Variants in MAGI2 observed in about 807,000 individuals in gnomAD.
MAGI2 encodes membrane-associated guanylate kinase, WW and PDZ domain-containing protein 2.
Under a neutral mutation model 133.3 loss-of-function variants are expected in MAGI2, and 35 were observed. The ratio of observed to expected loss-of-function variants is 0.26; its 90% CI spans 0.20 to 0.35. The LOEUF (loss-of-function observed/expected upper bound fraction) is 0.35, where lower values mean the gene tolerates loss of function less well. Ranked by LOEUF, MAGI2 falls within the 10% of genes least tolerant of loss-of-function variation. The pLI is 1.00. For synonymous variants in MAGI2, 729 were observed against 710.6 expected, an observed-to-expected ratio of 1.03 and a Z score of -0.41; for missense variants, 1,636 against 1,863.4, an observed-to-expected ratio of 0.88 and a Z score of 2.25.
chr7:79,150,982 CGTTTTTGTTTGTTTGTTTTGTTTT>C (rs1823169479), intron 1 of MAGI2, among the ~76,000 whole-genome samples: 1 of 151,870 alleles, frequency 6.6e-6, no homozygotes, highest in African/African-American at 2.4e-5. Flanking sequence ...GGGCTCACAG[CGTTTTTGTTTGTTTGTTTTGTTTT>C]GTTTTTGTTT....
intron 6 of MAGI2, among the ~76,000 whole-genome samples, chr7:78,393,702 A>C (rs569479967): frequency 1.3e-5 from 2 of 152,340 alleles, no homozygotes; most frequent in South Asian, 2.1e-4. Context: ...GACATTGACA[A>C]GGAAGAACTG....
At position 78,578,358 on chromosome 7, in the gene MAGI2, C is replaced by T. The variant is rs118038012; in HGVS notation, c.538+48762G>A. ...CAATGTACATAGTACATGTATATTACATAGAGCAAATGGAAACCAATGTAA... is the reference window on the plus strand; with the variant it reads ...CAATGTACATAGTACATGTATATTATATAGAGCAAATGGAAACCAATGTAA... On this transcript the variant is annotated intron_variant, in intron 3 of 21. Coordinates refer to ENST00000354212, the MANE Select transcript of MAGI2 (RefSeq NM_012301.4). 1.8e-3 allele frequency among the ~76,000 whole-genome samples: 279 copies of T among 151,962 alleles called. 6 individuals are homozygous for T. In the East Asian group the frequency reaches 0.044, roughly 24 times the overall value.
intron 16 of MAGI2, among the ~76,000 whole-genome samples, chr7:78,158,944 C>T (rs1364681515): frequency 6.6e-6 from 1 of 152,026 alleles, no homozygotes; most frequent in Non-Finnish European, 1.5e-5. Flanking sequence ...CCACCCAGAC[C>T]AGTAATCTGC....
At chr7:78,118,654 C>T (rs753940391) in intron 20 of MAGI2, among the ~76,000 whole-genome samples, 1 of 152,160 alleles carries the variant, frequency 6.6e-6, no homozygotes, top group Non-Finnish European at 1.5e-5. Context: ...CAATGAGATA[C>T]CACTGCATGC....
intron 1 of MAGI2, among the ~76,000 whole-genome samples, chr7:79,187,424 T>C (rs550447700): frequency 1.3e-5 from 2 of 151,872 alleles, no homozygotes; most frequent in African/African-American, 2.4e-5. Context: ...CCAATTTTAG[T>C]ATAATTCTTA....
intron 6 of MAGI2, among the ~76,000 whole-genome samples, chr7:78,481,866 A>C (rs1792420098): frequency 6.6e-6 from 1 of 151,922 alleles, no homozygotes; most frequent in African/African-American, 2.4e-5. Flanking sequence ...GAGTTCTTAG[A>C]CTTGATACCA....
chr7:78,397,157 G>C (rs1480890321), intron 6 of MAGI2, among the ~76,000 whole-genome samples: 1 of 151,880 alleles, frequency 6.6e-6, no homozygotes, highest in African/African-American at 2.4e-5. Context: ...GTGGTAAAAA[G>C]TAAGGCCTTA....
intron 2 of MAGI2, among the ~76,000 whole-genome samples, chr7:78,639,905 A>G (rs1810097413): frequency 1.3e-5 from 2 of 152,204 alleles, no homozygotes; most frequent in African/African-American, 4.8e-5. Flanking sequence ...ATAAAAAAGA[A>G]AACATAAGTA....
At chr7:78,708,538 AGTATTTTACACAT>A (rs1363697671) in intron 2 of MAGI2, among the ~76,000 whole-genome samples, 4 of 152,284 alleles carry the variant, frequency 2.6e-5, no homozygotes, top group Admixed American at 2.6e-4. Flanking sequence ...CATTCTTCTA[AGTATTTTACACAT>A]GTTAATTCAT....
intron 1 of MAGI2, among the ~76,000 whole-genome samples, chr7:79,297,308 C>A (rs1014910705): frequency 6.6e-6 from 1 of 152,080 alleles, no homozygotes; most frequent in Admixed American, 6.6e-5. Flanking sequence ...GGAAGATGAG[C>A]AAGATAGATG....
At chr7:79,339,464 G>GTTTTTTTTTTTTTTT (rs71095397) in intron 1 of MAGI2, among the ~76,000 whole-genome samples, 2 of 134,538 alleles carry the variant, frequency 1.5e-5, no homozygotes, top group Non-Finnish European at 3.3e-5. Flanking sequence ...TTTTGTTTTT[G>GTTTTTTTTTTTTTTT]TTTTTTTTTT....
At chr7:78,296,126 A>T (rs1797210913) in intron 9 of MAGI2, among the ~76,000 whole-genome samples, 1 of 152,124 alleles carries the variant, frequency 6.6e-6, no homozygotes, top group Admixed American at 6.6e-5. Context: ...GTCCATTGTC[A>T]ATCAGAGTAT....
intron 2 of MAGI2, among the ~76,000 whole-genome samples, chr7:78,964,598 C>T (rs1458732298): frequency 1.3e-5 from 2 of 151,990 alleles, no homozygotes; most frequent in Non-Finnish European, 2.9e-5. Context: ...ATATACTTCC[C>T]ACCTGCTTCC....
intron 2 of MAGI2, among the ~76,000 whole-genome samples, chr7:78,864,538 G>T (rs552156113): frequency 6.6e-6 from 1 of 152,312 alleles, no homozygotes; most frequent in East Asian, 1.9e-4. Flanking sequence ...GATATGCAAA[G>T]AATTGCTCTG....
chr7:78,998,429 A>G (rs1806528791), intron 2 of MAGI2, among the ~76,000 whole-genome samples: 1 of 152,122 alleles, frequency 6.6e-6, no homozygotes, highest in Admixed American at 6.6e-5. Flanking sequence ...CCCTCCCCTG[A>G]GTCCTAAAGT....
intron 1 of MAGI2, among the ~76,000 whole-genome samples, chr7:79,359,058 G>C (rs2129119982): frequency 6.6e-6 from 1 of 152,238 alleles, no homozygotes; most frequent in Middle Eastern, 3.4e-3. Context: ...ATTATCTAAT[G>C]AGGATTTTAA....
intron 1 of MAGI2, among the ~76,000 whole-genome samples, chr7:79,334,949 G>A (rs945982111): frequency 6.6e-6 from 1 of 152,080 alleles, no homozygotes; most frequent in African/African-American, 2.4e-5. Context: ...AATGTGGTCC[G>A]AAAGGAGTGG....
intron 21 of MAGI2, among the ~76,000 whole-genome samples, chr7:78,025,287 C>G (rs1047969450): frequency 6.7e-6 from 1 of 149,920 alleles, no homozygotes; most frequent in Non-Finnish European, 1.5e-5. Flanking sequence ...TTAATATCAT[C>G]CCAGAGAACT....
At chr7:79,370,583 G>C (rs973355831) in intron 1 of MAGI2, among the ~76,000 whole-genome samples, 1 of 151,510 alleles carries the variant, frequency 6.6e-6, no homozygotes, top group Non-Finnish European at 1.5e-5. Flanking sequence ...TGGAAACAAT[G>C]GGCCAGCCAG....
Sources: gnomAD v4.1 joint callset for allele counts (sites outside exome capture counted in the v4.1 genomes callset) on GRCh38, gnomAD v4.1.1 for gene constraint, MANE v1.5 for transcripts, NCBI Gene and HGNC (gene_info 2026-07-23, HGNC 2026-07-21) for gene names.